Variants in CHODL observed in about 807,000 individuals in gnomAD.
CHODL encodes chondrolectin, also known as transmembrane protein MT75.
CHODL carries 29 observed loss-of-function variants against 34.5 expected under a neutral mutation model. That is an observed-to-expected ratio of 0.84 (90% CI 0.63 to 1.15). CHODL has a LOEUF of 1.15. Among genes scored for constraint, CHODL ranks in the 50% most tolerant of loss-of-function variants. The probability of loss-of-function intolerance (pLI) is 0.00; values close to 1 mark genes in which losing one functional copy is unlikely to be tolerated. For missense variants in CHODL, 332 were observed against 332.5 expected (o/e 1.00, Z 0.01); for synonymous variants, 125 against 116.1 (o/e 1.08, Z -0.49).
chr21:18,046,904 A>G (rs1012479499), intron 2 of CHODL, among the ~76,000 whole-genome samples: 2 of 151,946 alleles, frequency 1.3e-5, no homozygotes, highest in Non-Finnish European at 2.9e-5. Context: ...GCAAAGTTCC[A>G]TAAGCCAAGC....
At chr21:18,175,886 G>C (rs1023499529) in intron 2 of CHODL, among the ~76,000 whole-genome samples, 3 of 152,116 alleles carry the variant, frequency 2.0e-5, no homozygotes, top group African/African-American at 4.8e-5. Context: ...ACCCTGGCTT[G>C]TGAAAAGAGC....
chr21:18,057,869 C>A (rs1461492224), intron 2 of CHODL, among the ~76,000 whole-genome samples: 1 of 151,794 alleles, frequency 6.6e-6, no homozygotes, highest in Non-Finnish European at 1.5e-5. Context: ...TGTACATATT[C>A]ATGGAGTACA....
intron 2 of CHODL, among the ~76,000 whole-genome samples, chr21:18,223,636 G>A (rs999053483): frequency 1.3e-5 from 2 of 152,082 alleles, no homozygotes; most frequent in African/African-American, 2.4e-5. Flanking sequence ...TTTGCAGTAG[G>A]TGTGTTTCTC....
At chr21:17,983,841 A>G (rs2063732838) in intron 1 of CHODL, among the ~76,000 whole-genome samples, 1 of 151,976 alleles carries the variant, frequency 6.6e-6, no homozygotes. Flanking sequence ...CATCACCAAA[A>G]TTAATAAAAT....
At chr21:18,042,386 A>G (rs1035971191) in intron 2 of CHODL, among the ~76,000 whole-genome samples, 4 of 151,928 alleles carry the variant, frequency 2.6e-5, no homozygotes, top group Non-Finnish European at 5.9e-5. Context: ...AGCTATGGCA[A>G]TAAGAGACAT....
chr21:17,924,965 A>G (rs2063211676), intron 1 of CHODL, among the ~76,000 whole-genome samples: 1 of 152,224 alleles, frequency 6.6e-6, no homozygotes, highest in South Asian at 2.1e-4. Context: ...ATTAGTTAAT[A>G]CAGTTGGGAA....
chr21:17,926,071 T>C (rs894391295), intron 1 of CHODL, among the ~76,000 whole-genome samples: 3 of 152,244 alleles, frequency 2.0e-5, no homozygotes, highest in African/African-American at 7.2e-5. Flanking sequence ...GTAATGATTC[T>C]TGTCTTTCCT....
At chr21:18,181,063 T>A (rs11911141) in intron 2 of CHODL, among the ~76,000 whole-genome samples, 12,940 of 152,208 alleles carry the variant, frequency 0.085, 1,131 homozygotes, top group African/African-American at 0.22. Flanking sequence ...TATTTAGGCA[T>A]TTAAATAGTA....
intron 2 of CHODL, among the ~76,000 whole-genome samples, chr21:18,136,125 G>GA (rs1264698304): frequency 2.0e-4 from 16 of 81,198 alleles, no homozygotes; most frequent in Admixed American, 5.6e-4. Context: ...AAAAGAAAAA[G>GA]AAAAAAAAGA....
intron 2 of CHODL, among the ~76,000 whole-genome samples, chr21:18,171,529 T>G (rs1601101009): frequency 6.6e-6 from 1 of 152,148 alleles, no homozygotes; most frequent in Non-Finnish European, 1.5e-5. Flanking sequence ...TTCAACATGT[T>G]TATAAGAGCC....
At chr21:18,254,757 T>C (rs2074296723) in intron 1 of CHODL, among the ~76,000 whole-genome samples, 1 of 152,144 alleles carries the variant, frequency 6.6e-6, no homozygotes, top group African/African-American at 2.4e-5. Flanking sequence ...TATGTAAATA[T>C]AAATATATAC....
intron 2 of CHODL, among the ~76,000 whole-genome samples, chr21:18,133,903 A>C (rs750107405): frequency 2.0e-5 from 3 of 152,142 alleles, no homozygotes; most frequent in Non-Finnish European, 4.4e-5. Flanking sequence ...GTGTCAGAAT[A>C]ACTTAGTTTG....
intron 1 of CHODL, among the ~76,000 whole-genome samples, chr21:18,250,400 C>T (rs546720906): frequency 6.6e-6 from 1 of 151,858 alleles, no homozygotes; most frequent in Middle Eastern, 3.2e-3. Context: ...GCTGCTGCCA[C>T]CATCCAGAAA....
chr21:18,117,494 A>G (rs2065426895), intron 2 of CHODL, among the ~76,000 whole-genome samples: 1 of 152,158 alleles, frequency 6.6e-6, no homozygotes, highest in Non-Finnish European at 1.5e-5. Flanking sequence ...TAATGTGTAC[A>G]ATATACAGCT....
intron 1 of CHODL, among the ~76,000 whole-genome samples, chr21:18,018,658 A>G (rs949824276): frequency 6.6e-6 from 1 of 152,142 alleles, no homozygotes; most frequent in Non-Finnish European, 1.5e-5. Context: ...TATTTTCTTT[A>G]TAAATTACCC....
At chr21:18,021,349 A>C (rs2064126054) in intron 1 of CHODL, among the ~76,000 whole-genome samples, 1 of 152,200 alleles carries the variant, frequency 6.6e-6, no homozygotes, top group Admixed American at 6.5e-5. Flanking sequence ...AGTAACCCAG[A>C]CATATGCATC....
chr21:18,241,587 C>A (rs2074082830), upstream of CHODL, among the ~76,000 whole-genome samples: 1 of 152,064 alleles, frequency 6.6e-6, no homozygotes. Context: ...TGGAGTTGCC[C>A]ATGTGAAGAG....
chr21:18,231,864 C>T lies in CHODL; in HGVS notation c.-44-24645C>T, dbSNP rs370457005. On this transcript the variant is annotated intron_variant, in intron 2 of 6. Transcript: ENST00000400127. ...ACGGCACAGTAATGGGGATAACTGT[C>T]TTGGTGGTCCTGGGTAGTTACCGCT... 1.1e-4 allele frequency among the ~76,000 whole-genome samples: 16 copies of T among 151,872 alleles called. No individual in the cohort carries two copies. In the East Asian group the frequency reaches 1.6e-3, roughly 15 times the overall value.
intron 2 of CHODL, among the ~76,000 whole-genome samples, chr21:18,050,088 A>G (rs955876138): frequency 2.0e-5 from 3 of 151,962 alleles, no homozygotes; most frequent in Admixed American, 2.0e-4. Context: ...AAGGCAGTGA[A>G]AAGAGTATGT....
Sources: allele counts gnomAD v4.1 joint callset (sites outside exome capture counted in the v4.1 genomes callset), GRCh38; gene constraint gnomAD v4.1.1; transcripts MANE v1.5; gene names NCBI Gene and HGNC (gene_info 2026-07-23, HGNC 2026-07-21).